Variants in NFIA observed in about 807,000 individuals in gnomAD.
The protein encoded by NFIA is nuclear factor I A, also known as nuclear factor 1 A-type.
Under a neutral mutation model 62.8 loss-of-function variants are expected in NFIA, and 8 were observed. The ratio of observed to expected loss-of-function variants is 0.13; its 90% CI spans 0.07 to 0.23. The LOEUF is 0.23. Ranked by LOEUF, NFIA falls within the 10% of genes least tolerant of loss-of-function variation. NFIA has a pLI of 1.00. For synonymous variants in NFIA, 235 were observed against 238.1 expected (o/e 0.99, Z 0.12); for missense variants, 410 against 642.1 (o/e 0.64, Z 3.91).
At chr1:61,081,270 T>C (rs553506646), upstream of NFIA, among the ~76,000 whole-genome samples, 13 of 145,922 alleles carry the variant, frequency 8.9e-5, no homozygotes, top group Admixed American at 6.1e-4. Flanking sequence ...AAAAAAAAAC[T>C]GGAAAAGCAG....
chr1:61,429,185 A>G (rs1666994692), intron 10 of NFIA, among the ~76,000 whole-genome samples: 1 of 152,198 alleles, frequency 6.6e-6, no homozygotes, highest in South Asian at 2.1e-4. Context: ...CTTTTTTAAG[A>G]AAAAGAGTTA....
At chr1:61,279,408 A>T (rs1011850817) in intron 3 of NFIA, among the ~76,000 whole-genome samples, 2 of 152,106 alleles carry the variant, frequency 1.3e-5, no homozygotes, top group Non-Finnish European at 2.9e-5. Context: ...GTTAAAAAAA[A>T]AAAAAGAGAG....
intron 10 of NFIA, among the ~76,000 whole-genome samples, chr1:61,452,027 A>G (rs985775211): frequency 1.3e-5 from 2 of 152,252 alleles, no homozygotes. Flanking sequence ...TCATTCTTCA[A>G]TTAATGTTCT....
At chr1:61,194,498 T>C (rs1224419164) in intron 2 of NFIA, among the ~76,000 whole-genome samples, 1 of 152,218 alleles carries the variant, frequency 6.6e-6, no homozygotes, top group African/African-American at 2.4e-5. Context: ...ATATCAACTT[T>C]AGGTCGTGTT....
At chr1:61,427,014 A>G (rs1666899198) in intron 10 of NFIA, among the ~76,000 whole-genome samples, 1 of 152,102 alleles carries the variant, frequency 6.6e-6, no homozygotes, top group Non-Finnish European at 1.5e-5. Context: ...GAGGGAGAAA[A>G]GGGTATATGA....
chr1:61,103,208 A>G (rs1003266366), intron 2 of NFIA, among the ~76,000 whole-genome samples: 2 of 152,206 alleles, frequency 1.3e-5, no homozygotes, highest in African/African-American at 4.8e-5. Flanking sequence ...ATATGGAACC[A>G]TCTTGTCTTC....
At chr1:61,126,989 C>T (rs1005384248) in intron 2 of NFIA, among the ~76,000 whole-genome samples, 3 of 151,188 alleles carry the variant, frequency 2.0e-5, no homozygotes, top group African/African-American at 7.3e-5. Flanking sequence ...GATGGGGTTT[C>T]GCCATGATGG....
chr1:61,447,605 A>G (rs1237115619), intron 10 of NFIA, among the ~76,000 whole-genome samples: 1 of 152,166 alleles, frequency 6.6e-6, no homozygotes, highest in Non-Finnish European at 1.5e-5. Flanking sequence ...GGAACTCTGG[A>G]CAATTTCATC....
At position 61,455,382 on chromosome 1, in the gene NFIA, T is replaced by C. The variant is rs1012966409; in HGVS notation, c.*62T>C. On this transcript the variant is annotated 3_prime_UTR_variant, in exon 11 of 11. Transcript: ENST00000403491. ...CTGACCCCTTCTCAACTCTGTAACA[T>C]GGACGCAACCTCAACCCAGCGCAGT... The C allele has an allele frequency of 6.2e-7, 1 of 1,613,892 alleles. No homozygotes were observed. Among genetic ancestry groups the C allele is most frequent in the Non-Finnish European group, 8.5e-7 (1 of 1,179,930 alleles).
chr1:61,090,689 A>T (rs1350628105), intron 2 of NFIA, among the ~76,000 whole-genome samples: 1 of 152,166 alleles, frequency 6.6e-6, no homozygotes, highest in Non-Finnish European at 1.5e-5. Flanking sequence ...TATTGACAGC[A>T]GCATAGATCA....
intron 10 of NFIA, among the ~76,000 whole-genome samples, chr1:61,445,106 C>G (rs1023605957): frequency 1.3e-5 from 2 of 152,066 alleles, no homozygotes; most frequent in African/African-American, 4.8e-5. Flanking sequence ...TGCGAGATCT[C>G]CATCTCAGAA....
chr1:61,079,666 T>C (rs1306701851), upstream of NFIA, among the ~76,000 whole-genome samples: 1 of 152,200 alleles, frequency 6.6e-6, no homozygotes. Flanking sequence ...AGTGAACTAG[T>C]TTCCATACTT....
At chr1:61,156,046 A>AC (rs1001091465) in intron 2 of NFIA, among the ~76,000 whole-genome samples, 3 of 152,122 alleles carry the variant, frequency 2.0e-5, no homozygotes, top group African/African-American at 4.8e-5. Context: ...TGACAGGAGA[A>AC]CTGTTTGAAC....
intron 2 of NFIA, among the ~76,000 whole-genome samples, chr1:61,191,966 TTG>T: frequency 1.3e-5 from 1 of 77,192 alleles, no homozygotes; most frequent in Non-Finnish European, 2.2e-5. Context: ...GTTTTGTTTT[TTG>T]TTTTTTTTTG....
rs369114883 is a variant in NFIA, at chr1:61,376,619, A to G, written c.947-6618A>G. Among the ~76,000 whole-genome samples the G allele has an allele frequency of 2.0e-5, 3 of 152,158 alleles. No homozygotes were observed. In the East Asian group the frequency reaches 5.8e-4, roughly 29 times the overall value. ...TATACTTCAGAGTGGGTTTTTTTGC[A>G]TACACTTTTGTATCTGATATACCCT... On this transcript the variant is annotated intron_variant, in intron 6 of 10. Coordinates refer to ENST00000403491, the MANE Select transcript of NFIA (RefSeq NM_001134673.4).
intron 3 of NFIA, among the ~76,000 whole-genome samples, chr1:61,321,853 C>G (rs903327118): frequency 1.3e-5 from 2 of 151,974 alleles, no homozygotes; most frequent in African/African-American, 4.8e-5. Flanking sequence ...TTTAATTGCT[C>G]AATCACTTGG....
chr1:61,388,094 C>T (rs781636364), intron 7 of NFIA, among the ~76,000 whole-genome samples: 3 of 152,190 alleles, frequency 2.0e-5, no homozygotes, highest in Non-Finnish European at 2.9e-5. Flanking sequence ...ACCTTGTCGC[C>T]TCAGTTTGGC....
chr1:61,298,980 G>T (rs1375305025), intron 3 of NFIA, among the ~76,000 whole-genome samples: 1 of 152,134 alleles, frequency 6.6e-6, no homozygotes, highest in Non-Finnish European at 1.5e-5. Flanking sequence ...TGTGTTTGTA[G>T]AGTAGTTATT....
At chr1:61,113,705 T>A (rs1646747221) in intron 2 of NFIA, among the ~76,000 whole-genome samples, 1 of 151,060 alleles carries the variant, frequency 6.6e-6, no homozygotes, top group South Asian at 2.1e-4. Flanking sequence ...ATTTGAGTTG[T>A]GGATGAAGGA....
Sources: allele counts gnomAD v4.1 joint callset (sites outside exome capture counted in the v4.1 genomes callset), GRCh38; gene constraint gnomAD v4.1.1; transcripts MANE v1.5; gene names NCBI Gene and HGNC (gene_info 2026-07-23, HGNC 2026-07-21).